FOXP2: variants seen among roughly 807,000 people sequenced by gnomAD.
FOXP2 encodes the protein forkhead box protein P2.
Under a neutral mutation model 115.8 loss-of-function variants are expected in FOXP2, and 12 were observed. The observed-to-expected ratio is 0.10, with a 90% CI of 0.07 to 0.17. The LOEUF is 0.17. FOXP2 is among the 10% of genes least tolerant of loss of function. The pLI is 1.00. For synonymous variants in FOXP2, 328 were observed against 297.7 expected (o/e 1.10, Z -1.05); for missense variants, 629 against 843.5 (o/e 0.75, Z 3.15).
chr7:114,195,386 T>C (rs150976876), intron 1 of FOXP2, among the ~76,000 whole-genome samples: 31 of 152,320 alleles, frequency 2.0e-4, no homozygotes, highest in South Asian at 1.7e-3. Context: ...AGATTAGTTT[T>C]ACTTACAGCT....
intron 2 of FOXP2, among the ~76,000 whole-genome samples, chr7:114,496,396 G>C (rs1016684808): frequency 2.0e-5 from 3 of 152,030 alleles, no homozygotes; most frequent in African/African-American, 7.2e-5. Context: ...AATTAAATTA[G>C]ACTTGTAAGG....
At chr7:114,457,087 A>T (rs1382969494) in intron 2 of FOXP2, among the ~76,000 whole-genome samples, 1 of 152,178 alleles carries the variant, frequency 6.6e-6, no homozygotes, top group East Asian at 1.9e-4. Flanking sequence ...GAGATCTAAG[A>T]TACAATATGA....
chr7:114,227,662 T>C (rs767839028), intron 1 of FOXP2, among the ~76,000 whole-genome samples: 7 of 152,062 alleles, frequency 4.6e-5, no homozygotes, highest in African/African-American at 1.7e-4. Context: ...TTTTTCTCTT[T>C]ATAATAACTT....
chr7:114,238,755 G>C (rs190773971), intron 1 of FOXP2, among the ~76,000 whole-genome samples: 41 of 148,544 alleles, frequency 2.8e-4, no homozygotes, highest in Admixed American at 5.7e-4. Flanking sequence ...CTGGGCGACA[G>C]AGCTAGACTC....
At chr7:114,201,655 A>G (rs1794070863) in intron 1 of FOXP2, among the ~76,000 whole-genome samples, 1 of 152,180 alleles carries the variant, frequency 6.6e-6, no homozygotes, top group South Asian at 2.1e-4. Context: ...TTTGATTTAA[A>G]GCATGTCTAG....
intron 16 of FOXP2, among the ~76,000 whole-genome samples, chr7:114,682,492 A>G (rs2129350815): frequency 6.6e-6 from 1 of 152,284 alleles, no homozygotes; most frequent in African/African-American, 2.4e-5. Context: ...TTGAATTGTC[A>G]GGGATGTTTC....
intron 2 of FOXP2, among the ~76,000 whole-genome samples, chr7:114,453,913 C>A (rs898404636): frequency 3.3e-5 from 5 of 152,002 alleles, no homozygotes; most frequent in African/African-American, 1.2e-4. Context: ...ACCATAAAAA[C>A]CCTAGAAGAA....
At chr7:114,112,188 C>T (rs1791286335) in intron 1 of FOXP2, among the ~76,000 whole-genome samples, 2 of 152,100 alleles carry the variant, frequency 1.3e-5, no homozygotes, top group South Asian at 2.1e-4. Flanking sequence ...CCTTGAAACA[C>T]AAACCTGAGG....
chr7:114,378,496 C>A (rs1408054547), intron 2 of FOXP2, among the ~76,000 whole-genome samples: 1 of 151,484 alleles, frequency 6.6e-6, no homozygotes, highest in Non-Finnish European at 1.5e-5. Context: ...CCAGTCTGGG[C>A]AACATAAGGA....
intron 3 of FOXP2, among the ~76,000 whole-genome samples, chr7:114,621,128 A>G (rs188616895): frequency 2.2e-4 from 34 of 152,168 alleles, no homozygotes; most frequent in African/African-American, 5.8e-4. Flanking sequence ...CCCTTATACT[A>G]TAACTAATGG....
At chr7:114,286,677 A>G (rs143346293) in intron 1 of FOXP2, among the ~76,000 whole-genome samples, 311 of 152,194 alleles carry the variant, frequency 2.0e-3, no homozygotes, top group Non-Finnish European at 3.5e-3. Flanking sequence ...TAAAAGGAAT[A>G]TGAAGAACAG....
chr7:114,461,984 T>C (rs758645721), intron 2 of FOXP2, among the ~76,000 whole-genome samples: 1 of 152,032 alleles, frequency 6.6e-6, no homozygotes, highest in Non-Finnish European at 1.5e-5. Context: ...AGAATTGTCT[T>C]AAAAGAACAA....
chr7:114,546,681 A>G (rs527667136), intron 3 of FOXP2, among the ~76,000 whole-genome samples: 9 of 152,286 alleles, frequency 5.9e-5, no homozygotes, highest in African/African-American at 2.2e-4. Flanking sequence ...AAAAAGAAAA[A>G]AAAAATCCCT....
chr7:114,266,096 C>T (rs1214840338), intron 1 of FOXP2, among the ~76,000 whole-genome samples: 1 of 152,066 alleles, frequency 6.6e-6, no homozygotes, highest in Non-Finnish European at 1.5e-5. Flanking sequence ...AAAACTGGAC[C>T]TATCAGCCCA....
At chr7:114,541,452 C>T (rs993745133) in intron 3 of FOXP2, among the ~76,000 whole-genome samples, 1 of 151,978 alleles carries the variant, frequency 6.6e-6, no homozygotes, top group Non-Finnish European at 1.5e-5. Flanking sequence ...TTTTCAGCCA[C>T]ATCAAGCAAT....
chr7:114,193,177 G>A (rs1173551141), intron 1 of FOXP2, among the ~76,000 whole-genome samples: 1 of 151,942 alleles, frequency 6.6e-6, no homozygotes, highest in African/African-American at 2.4e-5. Flanking sequence ...GTAATTTGTG[G>A]TAAATAGTTA....
chr7:114,509,672 G>T (rs942612609), intron 2 of FOXP2, among the ~76,000 whole-genome samples: 2 of 143,528 alleles, frequency 1.4e-5, no homozygotes, highest in Admixed American at 6.9e-5. Context: ...TTCTTTGGTG[G>T]GGGGGGGGCT....
intron 8 of FOXP2, 69 bp from the exon 9 acceptor site, chr7:114,652,134 T>C (rs769786091): frequency 1.9e-5 from 28 of 1,441,454 alleles, no homozygotes; most frequent in Middle Eastern, 1.7e-4. Flanking sequence ...GTAGTGCTTT[T>C]TAAGTGTAGC....
chr7:114,359,868 G>A (rs907208517), intron 2 of FOXP2, among the ~76,000 whole-genome samples: 17 of 152,144 alleles, frequency 1.1e-4, no homozygotes, highest in Non-Finnish European at 1.5e-4. Flanking sequence ...TCTCAGATGA[G>A]ACATTGGACT....
Sources: gnomAD v4.1 joint callset for allele counts (sites outside exome capture counted in the v4.1 genomes callset) on GRCh38, gnomAD v4.1.1 for gene constraint, MANE v1.5 for transcripts, NCBI Gene and HGNC (gene_info 2026-07-23, HGNC 2026-07-21) for gene names.